The following KLF17 variants were observed in gnomAD, a reference collection of about 807,000 sequenced individuals.
KLF17 encodes the protein KLF transcription factor 17.
A neutral mutation model predicts 34.2 loss-of-function variants in KLF17; 31 were observed. The ratio of observed to expected loss-of-function variants is 0.91; its 90% CI spans 0.68 to 1.22. KLF17 has a LOEUF of 1.22. Among genes scored for constraint, KLF17 ranks in the 50% most tolerant of loss-of-function variants. The pLI is 0.00. For missense variants in KLF17, 478 were observed against 505.2 expected (o/e 0.95, Z 0.52); for synonymous variants, 179 against 186.7 (o/e 0.96, Z 0.34).
the KLF17 span, among the ~76,000 whole-genome samples, chr1:44,079,987 G>A: frequency 3.3e-5 from 5 of 151,376 alleles, no homozygotes; most frequent in East Asian, 2.0e-4. Flanking sequence ...GGAGTGCAGT[G>A]GCGTGATCTC....
chr1:44,101,713 A>G, the KLF17 span: 1 of 152,234 alleles, frequency 6.6e-6, no homozygotes, highest in African/African-American at 2.4e-5. Flanking sequence ...AAATTGAATC[A>G]TATAAAATGC....
the KLF17 span, among the ~76,000 whole-genome samples, chr1:44,088,688 G>A: frequency 9.9e-5 from 15 of 152,134 alleles, no homozygotes; most frequent in Admixed American, 9.8e-4. Context: ...CACATTGGGG[G>A]TTAGGGTTTC....
the KLF17 span, chr1:44,103,545 C>A: frequency 0.34 from 476,516 of 1,412,594 alleles, 82,088 homozygotes; most frequent in Middle Eastern, 0.4. Context: ...ATGGATACTC[C>A]TGTTCTGCAT....
At chr1:44,056,901 A>G in the KLF17 span, among the ~76,000 whole-genome samples, 1 of 151,924 alleles carries the variant, frequency 6.6e-6, no homozygotes, top group Non-Finnish European at 1.5e-5. Flanking sequence ...CTTAAATATC[A>G]GGCCCTTCTG....
At chr1:44,090,293 G>C in the KLF17 span, among the ~76,000 whole-genome samples, 1 of 84,588 alleles carries the variant, frequency 1.2e-5, no homozygotes, top group Admixed American at 2.0e-4. Context: ...AACACAGTGA[G>C]ATCTTGTCTC....
the KLF17 span, among the ~76,000 whole-genome samples, chr1:44,079,088 A>G: frequency 1.3e-5 from 2 of 152,058 alleles, no homozygotes; most frequent in Non-Finnish European, 2.9e-5. Context: ...AATTTTTATC[A>G]AATCCTTTTT....
chr1:44,083,110 A>G, the KLF17 span, among the ~76,000 whole-genome samples: 12 of 150,752 alleles, frequency 8.0e-5, no homozygotes, highest in Non-Finnish European at 1.2e-4. Flanking sequence ...CCAGCTAATT[A>G]AAAAAAAATT....
At chr1:44,119,177 G>A (rs1374387293) in intron 1 of KLF17, among the ~76,000 whole-genome samples, 189 bp downstream of exon 1, 3 of 151,822 alleles carry the variant, frequency 2.0e-5, no homozygotes, top group Admixed American at 2.0e-4. Context: ...TGGGAGATTG[G>A]GGAGGGGTTG....
At chr1:44,091,885 T>TG in the KLF17 span, among the ~76,000 whole-genome samples, 1 of 129,836 alleles carries the variant, frequency 7.7e-6, no homozygotes, top group South Asian at 2.5e-4. Flanking sequence ...CACCCCAGCC[T>TG]GGGGGGTGAG....
At chr1:44,057,764 A>G in the KLF17 span, among the ~76,000 whole-genome samples, 8 of 152,182 alleles carry the variant, frequency 5.3e-5, no homozygotes, top group Admixed American at 2.0e-4. Flanking sequence ...TAGTTTCTCA[A>G]ATCTTCCTGG....
chr1:44,078,883 C>T, the KLF17 span, among the ~76,000 whole-genome samples: 1 of 152,236 alleles, frequency 6.6e-6, no homozygotes, highest in South Asian at 2.1e-4. Flanking sequence ...ACCTTCTCTC[C>T]CATCCAGTGG....
At chr1:44,091,882 GC>G in the KLF17 span, among the ~76,000 whole-genome samples, 1 of 145,034 alleles carries the variant, frequency 6.9e-6, no homozygotes, top group African/African-American at 2.6e-5. Flanking sequence ...CTGCACCCCA[GC>G]CTGGGGGGTG....
intron 1 of KLF17, 50 bp from the exon 2 acceptor site, chr1:44,129,302 AC>A: frequency 6.6e-7 from 1 of 1,505,478 alleles, no homozygotes; most frequent in Non-Finnish European, 8.9e-7. Context: ...AAGAGGAGGA[AC>A]ATGTGGAACT....
the KLF17 span, among the ~76,000 whole-genome samples, chr1:44,099,845 GAAAGAAAGAAAGAAAGAAAGA>G: frequency 2.8e-5 from 1 of 35,960 alleles, no homozygotes; most frequent in African/African-American, 1.5e-4. Flanking sequence ...AAGAAAGAAA[GAAAGAAAGAAAGAAAGAAAGA>G]AAGAAAGAAA....
the KLF17 span, among the ~76,000 whole-genome samples, chr1:44,079,182 C>CT: frequency 6.6e-6 from 1 of 152,108 alleles, no homozygotes; most frequent in Non-Finnish European, 1.5e-5. Context: ...CCTTGGTACT[C>CT]TGCCTTCACC....
the KLF17 span, among the ~76,000 whole-genome samples, chr1:44,098,198 G>A: frequency 3.9e-5 from 6 of 152,118 alleles, no homozygotes; most frequent in African/African-American, 1.4e-4. Flanking sequence ...TCGGTAGGTT[G>A]TATGTTTCTA....
intron 1 of KLF17, among the ~76,000 whole-genome samples, chr1:44,119,787 A>T (rs1253002620): frequency 1.3e-5 from 2 of 152,236 alleles, no homozygotes; most frequent in Non-Finnish European, 2.9e-5. Context: ...CATTGAGATC[A>T]TTCAGGGCTT....
At chr1:44,078,591 G>C in the KLF17 span, among the ~76,000 whole-genome samples, 89 of 152,124 alleles carry the variant, frequency 5.9e-4, no homozygotes, top group African/African-American at 2.1e-3. Flanking sequence ...GTGCGTGCCA[G>C]TACGCCCGGC....
chr1:44,084,482 A>G, the KLF17 span, among the ~76,000 whole-genome samples: 3 of 152,016 alleles, frequency 2.0e-5, no homozygotes, highest in African/African-American at 7.2e-5. Context: ...GTTTGAGGCC[A>G]GCCTGGCCTC....
Sources: gnomAD v4.1 joint callset for allele counts (sites outside exome capture counted in the v4.1 genomes callset) on GRCh38, gnomAD v4.1.1 for gene constraint, MANE v1.5 for transcripts, NCBI Gene and HGNC (gene_info 2026-07-23, HGNC 2026-07-21) for gene names.